TNKS: variants seen among roughly 807,000 people sequenced by gnomAD.
The protein encoded by TNKS is tankyrase.
In TNKS, 72 loss-of-function variants were observed where a neutral mutation model predicts 135.8. That is an observed-to-expected ratio of 0.53 (90% CI 0.44 to 0.64). TNKS has a LOEUF of 0.64. TNKS is among the 30% of genes least tolerant of loss of function. TNKS has a pLI of 0.00. For missense variants in TNKS, 1,769 were observed against 1,674.0 expected (o/e 1.06, Z -0.99); for synonymous variants, 849 against 649.3 (o/e 1.31, Z -4.68).
chr8:9,735,416 A>T lies in TNKS; in HGVS notation c.2573A>T (p.Glu858Val). 6.2e-7 allele frequency: 1 copy of T among 1,614,090 alleles called. No homozygotes were observed. The highest frequency in any genetic ancestry group is 8.5e-7 in the Non-Finnish European group (1 of 1,180,014). Residue 858 changes from glutamate to valine, a missense_variant, in exon 17 of 27, where the codon GAG becomes GTG. Coordinates refer to ENST00000310430, the MANE Select transcript of TNKS (RefSeq NM_003747.3). Reference sequence around the variant, plus strand: ...CTGGAAGTAGCTGAATATCTTCTAGAGCATGGAGCTGATGTTAATGCCCAG... The same window carrying T: ...CTGGAAGTAGCTGAATATCTTCTAGTGCATGGAGCTGATGTTAATGCCCAG... ...NNLEVAEYLL[E>V]HGADVNAQDK...
chr8:9,673,581 T>C (rs1802403187), intron 3 of TNKS, among the ~76,000 whole-genome samples: 1 of 148,122 alleles, frequency 6.8e-6, no homozygotes, highest in East Asian at 1.9e-4. Flanking sequence ...ATAGATGGGA[T>C]TACAGGCACG....
intron 18 of TNKS, among the ~76,000 whole-genome samples, chr8:9,750,284 T>TGGTG (rs1477922878): frequency 6.6e-6 from 1 of 152,208 alleles, no homozygotes; most frequent in Non-Finnish European, 1.5e-5. Flanking sequence ...CTTTTGCTGA[T>TGGTG]GGAGAGGCTG....
intron 11 of TNKS, among the ~76,000 whole-genome samples, chr8:9,718,890 T>G (rs1327588348): frequency 1.3e-5 from 2 of 152,202 alleles, no homozygotes; most frequent in African/African-American, 4.8e-5. Flanking sequence ...TCAAATCATG[T>G]TCCCATGCTT....
chr8:9,591,030 C>G lies in TNKS; in HGVS notation c.898+10647C>G, dbSNP rs949160386. Among the ~76,000 whole-genome samples, 10 of 152,302 alleles carry G rather than the reference C, an allele frequency of 6.6e-5. No homozygotes were observed. In the East Asian group the frequency reaches 1.9e-3, roughly 29 times the overall value. ...CTCTGTTGTCATCTAGGAGTTGTAA[C>G]TGAAATGTATTTAGGTCTGATGCAT... On this transcript the variant is annotated intron_variant, in intron 2 of 26. Coordinates refer to ENST00000310430, the MANE Select transcript of TNKS (RefSeq NM_003747.3).
In TNKS at chr8:9,717,101, A is replaced by ATATATATT. The variant is rs1454492300; in HGVS notation, c.1750-3272_1750-3271insATATATTT. Among the ~76,000 whole-genome samples, 473 of 119,290 alleles carry ATATATATT rather than the reference A, an allele frequency of 4.0e-3. 21 individuals carry two copies. The highest frequency in any genetic ancestry group is 0.031 in the Admixed American group (364 of 11,624). The allele number at this position is 119,290 out of a possible 152,430, so 78.3% of individuals were successfully genotyped here. A position where few individuals can be genotyped will look rare whatever the true frequency, so the allele number is the denominator to read the frequency against. The stretch of plus-strand genomic sequence containing the variant: ...TATATATATATATATATATATATAT[A>ATATATATT]TTTTCAGGGAATTTGATTGTTTCTT... On this transcript the variant is annotated intron_variant, in intron 11 of 26. Transcript: ENST00000310430.
At chr8:9,746,230 C>T (rs907864389) in intron 17 of TNKS, among the ~76,000 whole-genome samples, 2 of 152,174 alleles carry the variant, frequency 1.3e-5, no homozygotes, top group African/African-American at 4.8e-5. Flanking sequence ...CTCAGAAATA[C>T]TTAAGTGCTA....
chr8:9,635,898 C>A (rs959581663), intron 3 of TNKS, among the ~76,000 whole-genome samples: 1 of 152,044 alleles, frequency 6.6e-6, no homozygotes, highest in Admixed American at 6.6e-5. Context: ...AATATATGAT[C>A]CTGGACTAGA....
In TNKS at chr8:9,781,552, T is replaced by C. The variant is rs1262213543; in HGVS notation, c.*4816T>C. On this transcript the variant is annotated 3_prime_UTR_variant, in exon 27 of 27. Coordinates refer to ENST00000310430, the MANE Select transcript of TNKS (RefSeq NM_003747.3). ...TCTCCGTGACACAAAACACTGAAAC[T>C]CTTCATGTGCATATAACACCTGCTT... 6.6e-6 allele frequency: 1 copy of C among 152,336 alleles called. No homozygotes were observed. The highest frequency in any genetic ancestry group is 1.5e-5 in the Non-Finnish European group (1 of 68,048). 9.4% of individuals were successfully genotyped at this position (152,336 alleles called of 1,614,324 possible).
intron 3 of TNKS, among the ~76,000 whole-genome samples, chr8:9,627,451 G>C (rs1360943856): frequency 1.3e-5 from 2 of 152,144 alleles, no homozygotes; most frequent in African/African-American, 4.8e-5. Flanking sequence ...GTCTTTGTGG[G>C]ACTGAGCCCT....
chr8:9,611,661 A>C (rs62493914), intron 2 of TNKS, among the ~76,000 whole-genome samples: 2 of 152,218 alleles, frequency 1.3e-5, no homozygotes, highest in Non-Finnish European at 2.9e-5. Flanking sequence ...CTTGAAAACT[A>C]TTGTTACCTT....
At chr8:9,766,923 C>G (rs1280919104) in intron 25 of TNKS, among the ~76,000 whole-genome samples, 2 of 152,134 alleles carry the variant, frequency 1.3e-5, no homozygotes, top group East Asian at 3.9e-4. Flanking sequence ...GAGCAGATAA[C>G]TAGGGGTAAA....
chr8:9,735,342 T>C (rs1226943811), intron 16 of TNKS, 35 bp from the exon 17 acceptor site: 1 of 1,583,112 alleles, frequency 6.3e-7, no homozygotes, highest in Non-Finnish European at 8.7e-7. Flanking sequence ...TCCTTTAAGC[T>C]GACACGTTTC....
intron 20 of TNKS, among the ~76,000 whole-genome samples, chr8:9,760,772 T>A (rs1447693568): frequency 6.6e-6 from 1 of 152,136 alleles, no homozygotes; most frequent in Non-Finnish European, 1.5e-5. Context: ...CATCTCCATT[T>A]TACAAGGATG....
intron 3 of TNKS, among the ~76,000 whole-genome samples, chr8:9,639,954 C>T (rs1800661339): frequency 6.6e-6 from 1 of 152,172 alleles, no homozygotes; most frequent in African/African-American, 2.4e-5. Context: ...TGTGCTTTTA[C>T]TTACTCAACG....
At chr8:9,750,527 C>G (rs867470009) in intron 18 of TNKS, among the ~76,000 whole-genome samples, 1 of 152,176 alleles carries the variant, frequency 6.6e-6, no homozygotes, top group Non-Finnish European at 1.5e-5. Flanking sequence ...CGTTGCCAAA[C>G]TTTCTGCTAC....
chr8:9,685,763 A>G (rs1802967560), intron 5 of TNKS, among the ~76,000 whole-genome samples: 2 of 152,216 alleles, frequency 1.3e-5, no homozygotes. Context: ...ATATATGCCC[A>G]TTTTTAAACA....
chr8:9,660,137 C>T (rs895327128), intron 3 of TNKS, among the ~76,000 whole-genome samples: 1 of 152,198 alleles, frequency 6.6e-6, no homozygotes, highest in Non-Finnish European at 1.5e-5. Flanking sequence ...GATGGATTCA[C>T]AGCCGAATTC....
chr8:9,583,133 C>G (rs1040786047), intron 2 of TNKS, among the ~76,000 whole-genome samples: 3 of 148,774 alleles, frequency 2.0e-5, no homozygotes, highest in African/African-American at 7.5e-5. Flanking sequence ...CCACTGCACT[C>G]CAGCCTGGGC....
intron 5 of TNKS, among the ~76,000 whole-genome samples, chr8:9,702,061 A>G (rs1399695827): frequency 4.6e-5 from 7 of 152,184 alleles, no homozygotes; most frequent in Non-Finnish European, 1.0e-4. Flanking sequence ...GTAGTAGGGG[A>G]AAATCTGTCC....
Sources: gnomAD v4.1 joint callset for allele counts (sites outside exome capture counted in the v4.1 genomes callset) on GRCh38, gnomAD v4.1.1 for gene constraint, MANE v1.5 for transcripts, NCBI Gene and HGNC (gene_info 2026-07-23, HGNC 2026-07-21) for gene names.